The following FHIT variants were observed in gnomAD, a reference collection of about 807,000 sequenced individuals.
The protein encoded by FHIT is fragile histidine triad diadenosine triphosphatase.
Under a neutral mutation model 17.9 loss-of-function variants are expected in FHIT, and 19 were observed. That is an observed-to-expected ratio of 1.06 (90% confidence interval 0.74 to 1.56). FHIT has a LOEUF of 1.56. Among genes scored for constraint, FHIT ranks in the 40% most tolerant of loss-of-function variants. The probability of loss-of-function intolerance (pLI) is 0.00; values close to 1 mark genes in which losing one functional copy is unlikely to be tolerated. For synonymous variants in FHIT, 81 were observed against 69.7 expected, an observed-to-expected ratio of 1.16 and a Z score of -0.81; for missense variants, 248 against 189.2, an observed-to-expected ratio of 1.31 and a Z score of -1.82.
chr3:60,872,973 GCA>G (rs1165190353), intron 3 of FHIT, among the ~76,000 whole-genome samples: 2 of 152,046 alleles, frequency 1.3e-5, no homozygotes. Context: ...ACTTTCCTGT[GCA>G]CCGGACACTC....
intron 3 of FHIT, among the ~76,000 whole-genome samples, chr3:60,867,629 C>G (rs1315769562): frequency 1.3e-5 from 2 of 152,156 alleles, no homozygotes; most frequent in African/African-American, 4.8e-5. Flanking sequence ...TGGGCAGGAT[C>G]ATGTGACTAG....
At chr3:60,897,965 T>G (rs1553762280) in intron 3 of FHIT, among the ~76,000 whole-genome samples, 1 of 152,220 alleles carries the variant, frequency 6.6e-6, no homozygotes, top group African/African-American at 2.4e-5. Flanking sequence ...ATTATTTTTA[T>G]TATCAAATAA....
intron 8 of FHIT, among the ~76,000 whole-genome samples, chr3:59,827,560 AG>A (rs1174205501): frequency 1.3e-5 from 2 of 152,254 alleles, no homozygotes; most frequent in Non-Finnish European, 2.9e-5. Flanking sequence ...AGTGCTTTAC[AG>A]GCACATATCA....
chr3:60,370,140 T>G (rs969641463), intron 5 of FHIT, among the ~76,000 whole-genome samples: 7 of 152,178 alleles, frequency 4.6e-5, no homozygotes, highest in African/African-American at 1.7e-4. Context: ...AAGGAAGAGC[T>G]GCTAGAAAAA....
chr3:60,885,067 G>A (rs984453622), intron 3 of FHIT, among the ~76,000 whole-genome samples: 2 of 152,190 alleles, frequency 1.3e-5, no homozygotes, highest in Admixed American at 1.3e-4. Flanking sequence ...GAGGGGTGAA[G>A]AGAGGTTGGT....
chr3:60,543,647 C>T (rs2036257257), intron 4 of FHIT, among the ~76,000 whole-genome samples: 1 of 152,150 alleles, frequency 6.6e-6, no homozygotes, highest in Non-Finnish European at 1.5e-5. Context: ...ACTCCCAATA[C>T]AGCAGAAAGC....
At position 60,732,186 on chromosome 3, in the gene FHIT, G is replaced by A. The variant is rs1252736182; in HGVS notation, c.-18+89733C>T. 13 of 801,328 alleles carry A rather than the reference G, an allele frequency of 1.6e-5. No homozygotes were observed. In the East Asian group the frequency reaches 3.1e-4, roughly 19 times the overall value. The allele number at this position is 801,328 out of a possible 1,614,324, so 49.6% of individuals were successfully genotyped here. On this transcript the variant is annotated intron_variant, in intron 4 of 9. Transcript: ENST00000492590. The stretch of plus-strand genomic sequence containing the variant: ...AGTCAGCAATGGTGATCTTCTTGCT[G>A]GCCTTATCATTCCTGGACCCAAAGT...
chr3:61,193,387 G>A (rs1435100162), intron 2 of FHIT, among the ~76,000 whole-genome samples: 1 of 152,168 alleles, frequency 6.6e-6, no homozygotes, highest in Non-Finnish European at 1.5e-5. Flanking sequence ...AGGCCTTGAA[G>A]CCACAGCGAA....
At chr3:60,098,916 A>G (rs966970554) in intron 5 of FHIT, among the ~76,000 whole-genome samples, 2 of 152,148 alleles carry the variant, frequency 1.3e-5, no homozygotes, top group Non-Finnish European at 2.9e-5. Flanking sequence ...TGTGATGTTC[A>G]AGGGTCAGTT....
chr3:60,016,833 T>A (rs1700362817), intron 5 of FHIT, among the ~76,000 whole-genome samples: 1 of 152,132 alleles, frequency 6.6e-6, no homozygotes, highest in Non-Finnish European at 1.5e-5. Flanking sequence ...CAAAGAAAGT[T>A]GTTAAGCGTT....
chr3:60,861,471 C>A (rs995077683), intron 3 of FHIT, among the ~76,000 whole-genome samples: 1 of 150,908 alleles, frequency 6.6e-6, no homozygotes, highest in Admixed American at 6.6e-5. Context: ...CCAGTAGTAA[C>A]CTCTCCAGTA....
At chr3:60,620,607 G>C (rs1359578194) in intron 4 of FHIT, among the ~76,000 whole-genome samples, 6 of 151,672 alleles carry the variant, frequency 4.0e-5, no homozygotes, top group African/African-American at 1.2e-4. Flanking sequence ...AAACTATGAA[G>C]AGAATACAAA....
intron 3 of FHIT, among the ~76,000 whole-genome samples, chr3:60,952,321 C>G (rs1007577832): frequency 1.3e-5 from 2 of 152,132 alleles, no homozygotes; most frequent in African/African-American, 4.8e-5. Context: ...TGTTGGATAC[C>G]ACAGGCAACT....
intron 4 of FHIT, among the ~76,000 whole-genome samples, chr3:60,739,350 C>A (rs917841015): frequency 1.3e-5 from 2 of 152,212 alleles, no homozygotes; most frequent in African/African-American, 4.8e-5. Flanking sequence ...AGCATTGTAA[C>A]ACTGGGGCCA....
intron 3 of FHIT, among the ~76,000 whole-genome samples, chr3:60,946,604 G>A (rs574425064): frequency 1.3e-5 from 2 of 152,124 alleles, no homozygotes; most frequent in African/African-American, 4.8e-5. Flanking sequence ...AAGACAGGGC[G>A]CTGGGGGGAA....
chr3:59,855,165 T>C (rs1328549212), intron 8 of FHIT, among the ~76,000 whole-genome samples: 1 of 152,334 alleles, frequency 6.6e-6, no homozygotes, highest in South Asian at 2.1e-4. Flanking sequence ...GGCTGGTACA[T>C]AGTAAGAATT....
chr3:60,473,978 G>A (rs1246161148), intron 5 of FHIT, among the ~76,000 whole-genome samples: 4 of 151,986 alleles, frequency 2.6e-5, no homozygotes, highest in African/African-American at 9.7e-5. Flanking sequence ...ACCTGGAGAT[G>A]TATGGGGGAA....
chr3:60,917,917 T>C (rs1707088859), intron 3 of FHIT, among the ~76,000 whole-genome samples: 1 of 152,202 alleles, frequency 6.6e-6, no homozygotes, highest in Non-Finnish European at 1.5e-5. Flanking sequence ...AAAAACATAC[T>C]ATGACTGTGA....
intron 5 of FHIT, 23 bp from the exon 6 acceptor site, chr3:60,014,175 C>T: frequency 6.2e-7 from 1 of 1,612,846 alleles, no homozygotes; most frequent in Non-Finnish European, 8.5e-7. Context: ...CTGTTAAGGC[C>T]CATGCTGCTG....
Sources: gnomAD v4.1 joint callset for allele counts (sites outside exome capture counted in the v4.1 genomes callset) on GRCh38, gnomAD v4.1.1 for gene constraint, MANE v1.5 for transcripts, NCBI Gene and HGNC (gene_info 2026-07-23, HGNC 2026-07-21) for gene names.